SRGAP3: variants seen among roughly 807,000 people sequenced by gnomAD.
The protein encoded by SRGAP3 is SLIT-ROBO Rho GTPase-activating protein 3.
In SRGAP3, 39 loss-of-function variants were observed where a neutral mutation model predicts 121.1. That is an observed-to-expected ratio of 0.32 (90% CI 0.25 to 0.42). The LOEUF is 0.42. SRGAP3 is among the 10% of genes least tolerant of loss of function. The probability of loss-of-function intolerance (pLI) is 1.00; values close to 1 mark genes in which losing one functional copy is unlikely to be tolerated. For missense variants in SRGAP3, 1,213 were observed against 1,470.6 expected, an observed-to-expected ratio of 0.82 and a Z score of 2.86; for synonymous variants, 601 against 570.0, an observed-to-expected ratio of 1.05 and a Z score of -0.77.
chr3:9,213,322 T>C (rs1213851364), intron 1 of SRGAP3, among the ~76,000 whole-genome samples: 8 of 108,928 alleles, frequency 7.3e-5, no homozygotes, highest in Non-Finnish European at 1.8e-5. Flanking sequence ...AAAACCTGCA[T>C]CATCTGAAAA....
intron 2 of SRGAP3, among the ~76,000 whole-genome samples, chr3:9,113,032 C>T (rs1183102183): frequency 2.0e-5 from 3 of 152,226 alleles, no homozygotes; most frequent in Non-Finnish European, 4.4e-5. Flanking sequence ...CGGGCATCAT[C>T]TAGAACTGAC....
chr3:9,326,574 A>G (rs1403100797), intron 2 of SRGAP3, among the ~76,000 whole-genome samples: 1 of 151,752 alleles, frequency 6.6e-6, no homozygotes, highest in African/African-American at 2.4e-5. Flanking sequence ...CTGGTTCTTC[A>G]TGAGTCCATG....
At chr3:9,222,403 A>G (rs1363369648) in intron 1 of SRGAP3, among the ~76,000 whole-genome samples, 1 of 152,228 alleles carries the variant, frequency 6.6e-6, no homozygotes, top group Non-Finnish European at 1.5e-5. Flanking sequence ...CCTGGGGCCA[A>G]CTGCATTTCC....
intron 1 of SRGAP3, among the ~76,000 whole-genome samples, chr3:9,134,210 A>T (rs892443926): frequency 2.0e-5 from 3 of 152,232 alleles, no homozygotes; most frequent in South Asian, 2.1e-4. Flanking sequence ...GAGCAATTTT[A>T]AATGTAGCTT....
intron 1 of SRGAP3, among the ~76,000 whole-genome samples, chr3:9,150,333 GAAGT>G (rs1459995670): frequency 3.3e-5 from 5 of 152,002 alleles, no homozygotes; most frequent in African/African-American, 1.2e-4. Flanking sequence ...CTGGAGCCCA[GAAGT>G]AAGAAGGTGG....
chr3:9,141,597 TG>T (rs1949854660), intron 1 of SRGAP3, among the ~76,000 whole-genome samples: 1 of 150,392 alleles, frequency 6.6e-6, no homozygotes, highest in Non-Finnish European at 1.5e-5. Flanking sequence ...TGTGTGTGTG[TG>T]TGTGTTCTTT....
intron 2 of SRGAP3, among the ~76,000 whole-genome samples, chr3:9,122,914 G>A (rs906747778): frequency 3.4e-4 from 51 of 152,198 alleles, no homozygotes; most frequent in African/African-American, 1.2e-3. Context: ...AAAAAATGTG[G>A]ACAGGAAGGT....
At chr3:9,011,813 TTGG>T (rs1202996881) in intron 17 of SRGAP3, among the ~76,000 whole-genome samples, 4 of 152,194 alleles carry the variant, frequency 2.6e-5, no homozygotes, top group Non-Finnish European at 4.4e-5. Context: ...GTCTCCTTTT[TTGG>T]TTTTGAAGAC....
intron 3 of SRGAP3, among the ~76,000 whole-genome samples, chr3:9,093,988 T>C (rs1003237926): frequency 1.3e-5 from 2 of 152,160 alleles, no homozygotes; most frequent in Non-Finnish European, 2.9e-5. Context: ...CAGGAACACA[T>C]CACTCAAATT....
At chr3:9,025,502 G>A (rs946941154) in intron 13 of SRGAP3, among the ~76,000 whole-genome samples, 164 bp from the exon 14 acceptor site, 4 of 152,154 alleles carry the variant, frequency 2.6e-5, no homozygotes, top group Non-Finnish European at 5.9e-5. Flanking sequence ...GGCCTTCACG[G>A]TAAAGTACAG....
intron 1 of SRGAP3, among the ~76,000 whole-genome samples, chr3:9,174,747 C>A (rs1422828570): frequency 6.6e-6 from 1 of 152,200 alleles, no homozygotes; most frequent in African/African-American, 2.4e-5. Flanking sequence ...TACTTCTCCT[C>A]CAGGGGGACT....
intron 1 of SRGAP3, among the ~76,000 whole-genome samples, chr3:9,127,873 A>C (rs1198079331): frequency 6.6e-6 from 1 of 151,746 alleles, no homozygotes; most frequent in Non-Finnish European, 1.5e-5. Context: ...AGCCATGACC[A>C]TACCATGATG....
intron 1 of SRGAP3, among the ~76,000 whole-genome samples, chr3:9,187,585 T>C (rs1951637728): frequency 6.6e-6 from 1 of 152,182 alleles, no homozygotes; most frequent in Admixed American, 6.5e-5. Context: ...CCACTGTCTC[T>C]TACTGGCTGC....
chr3:9,113,105 G>A (rs1948689218), intron 2 of SRGAP3, among the ~76,000 whole-genome samples: 1 of 152,230 alleles, frequency 6.6e-6, no homozygotes, highest in Non-Finnish European at 1.5e-5. Context: ...GACTGAACAT[G>A]TAGCACAGCC....
At chr3:9,131,630 C>T (rs1436358300) in intron 1 of SRGAP3, among the ~76,000 whole-genome samples, 5 of 151,792 alleles carry the variant, frequency 3.3e-5, no homozygotes, top group Admixed American at 6.6e-5. Context: ...TTAGTAGAAA[C>T]GGGGTTTCAC....
rs923000589 is a variant in SRGAP3, at chr3:9,239,101, C to T, written c.67+9784G>A. Among the ~76,000 whole-genome samples, 4 of 152,118 alleles carry T rather than the reference C, an allele frequency of 2.6e-5. No homozygotes were observed. The East Asian group carries it at 5.8e-4, about 22-fold the overall frequency. ...CCCCAGCAGAATAAAGATGTGAGGC[C>T]GGCCGCAGTGGCTCACACCTATAAT... On this transcript the variant is annotated intron_variant, in intron 1 of 21. Transcript: ENST00000383836. The surrounding 1 kb of genome is among the most constrained non-coding windows in gnomAD (Gnocchi z 4.0).
At position 9,172,096 on chromosome 3, in the gene SRGAP3, T is replaced by C. The variant is rs543856785; in HGVS notation, c.68-47179A>G. Among the ~76,000 whole-genome samples, 4 of 147,996 alleles carry C rather than the reference T, an allele frequency of 2.7e-5. No homozygotes were observed. In the East Asian group the frequency reaches 7.8e-4, roughly 29 times the overall value. ...TTTCCAAATGACTTTTTCTTTTCTTTTTTTTTTTTTTTTTTGAGACAGGGT... is the reference window on the plus strand; with the variant it reads ...TTTCCAAATGACTTTTTCTTTTCTTCTTTTTTTTTTTTTTTGAGACAGGGT... On this transcript the variant is annotated intron_variant, in intron 1 of 21. Transcript: ENST00000383836.
chr3:9,121,450 G>A (rs1397702085), intron 2 of SRGAP3, among the ~76,000 whole-genome samples: 1 of 152,216 alleles, frequency 6.6e-6, no homozygotes, highest in Non-Finnish European at 1.5e-5. Context: ...GGGGTCAAAG[G>A]GTGAGTCCAG....
At chr3:9,053,809 C>T (rs1208120963) in intron 8 of SRGAP3, among the ~76,000 whole-genome samples, 1 of 152,202 alleles carries the variant, frequency 6.6e-6, no homozygotes, top group Admixed American at 6.5e-5. Context: ...TCTGGAATTT[C>T]GTGGGACCAC....
Sources: allele counts gnomAD v4.1 joint callset (sites outside exome capture counted in the v4.1 genomes callset), GRCh38; gene constraint gnomAD v4.1.1; non-coding constraint Gnocchi (gnomAD v3.1); transcripts MANE v1.5; gene names NCBI Gene and HGNC (gene_info 2026-07-23, HGNC 2026-07-21).